MNDA: variants seen among roughly 807,000 people sequenced by gnomAD.
The protein encoded by MNDA is epididymis secretory sperm binding protein.
In MNDA, 43 loss-of-function variants were observed where a neutral mutation model predicts 37.8. The ratio of observed to expected loss-of-function variants is 1.14; its 90% CI spans 0.89 to 1.47. The LOEUF (loss-of-function observed/expected upper bound fraction) is 1.47. Among genes scored for constraint, MNDA ranks in the 40% most tolerant of loss-of-function variants. The pLI is 0.00. For synonymous variants in MNDA, 181 were observed against 169.0 expected (o/e 1.07, Z -0.55); for missense variants, 536 against 476.0 (o/e 1.13, Z -1.17).
chr1:158,835,836 G>C (rs926472462), intron 1 of MNDA, among the ~76,000 whole-genome samples: 10 of 151,242 alleles, frequency 6.6e-5, no homozygotes, highest in African/African-American at 1.9e-4. Flanking sequence ...AACATGAAAG[G>C]CTATTTAATT....
At chr1:158,843,830 TG>T in intron 3 of MNDA, 124 bp from the exon 4 acceptor site, 1 of 802,362 alleles carries the variant, frequency 1.2e-6, no homozygotes, top group Non-Finnish European at 1.9e-6. Flanking sequence ...TGTAATTCCC[TG>T]GGGTTTCCAA....
intron 3 of MNDA, 137 bp downstream of exon 3, chr1:158,843,552 G>C: frequency 1.0e-6 from 1 of 954,848 alleles, no homozygotes; most frequent in Non-Finnish European, 1.5e-6. Flanking sequence ...GATGAGTAAA[G>C]AGTTAGGTAT....
chr1:158,843,988 G>T lies in MNDA; in HGVS notation c.436G>T (p.Ala146Ser). The change falls in exon 4 of 7, where the codon GCC becomes TCC. Residue 146 changes from alanine to serine, a missense_variant. Coordinates refer to ENST00000368141, the MANE Select transcript of MNDA (RefSeq NM_002432.3). ...AACTCCAAACAAAGAAAAGACTGAA[G>T]CCAAAAGGAATAAGGTGTCCCAAGA... ...RKTPNKEKTEAKRNKVSQEQS... is the reference protein window; with the variant it reads ...RKTPNKEKTESKRNKVSQEQS... 6.2e-7 allele frequency: 1 copy of T among 1,604,632 alleles called. No homozygotes were observed.
intron 4 of MNDA, 86 bp downstream of exon 4, chr1:158,844,208 A>T (rs775609277): frequency 3.8e-4 from 452 of 1,202,084 alleles, no homozygotes; most frequent in Non-Finnish European, 4.8e-4. Flanking sequence ...CTCATGCATA[A>T]CTCTTCATAT....
chr1:158,840,729 A>T (rs907086367), intron 1 of MNDA, among the ~76,000 whole-genome samples: 2 of 152,166 alleles, frequency 1.3e-5, no homozygotes, highest in Non-Finnish European at 2.9e-5. Flanking sequence ...GTTCAATCAG[A>T]TTATTTAATC....
intron 2 of MNDA, 29 bp from the exon 3 acceptor site, chr1:158,843,250 A>G (rs758263534): frequency 6.3e-7 from 1 of 1,594,526 alleles, no homozygotes; most frequent in Non-Finnish European, 8.5e-7. Context: ...CTCTAGGCCT[A>G]TTGTGCCCTT....
intron 3 of MNDA, 140 bp downstream of exon 3, chr1:158,843,555 T>G: frequency 1.1e-6 from 1 of 925,542 alleles, no homozygotes. Flanking sequence ...GAGTAAAGAG[T>G]TAGGTATCGT....
At chr1:158,842,560 G>A in intron 2 of MNDA, 142 bp downstream of exon 2, 1 of 769,984 alleles carries the variant, frequency 1.3e-6, no homozygotes, top group Non-Finnish European at 2.1e-6. Context: ...CTCAGAGACT[G>A]ACCAGTTGGC....
At chr1:158,837,407 C>G (rs1658940371) in intron 1 of MNDA, among the ~76,000 whole-genome samples, 1 of 151,744 alleles carries the variant, frequency 6.6e-6, no homozygotes, top group Admixed American at 6.6e-5. Flanking sequence ...ATGTATGTTT[C>G]TAATTGTCAT....
In MNDA at chr1:158,849,251, A is replaced by T; in HGVS notation, c.*14A>T. ...AATGTTAATTGAAATATGAAAGCTG[A>T]AATGCAACAAACAACTTCCGCTTAA... On this transcript the variant is annotated 3_prime_UTR_variant, in exon 7 of 7. Transcript: ENST00000368141. 6.2e-7 allele frequency: 1 copy of T among 1,608,962 alleles called. No homozygotes were observed. Among genetic ancestry groups the T allele is most frequent in the Non-Finnish European group, 8.5e-7 (1 of 1,177,138 alleles).
chr1:158,842,406 G>C lies in MNDA; in HGVS notation c.253G>C (p.Glu85Gln). Residue 85 changes from glutamate to glutamine, a missense_variant, in exon 2 of 7, where the codon GAG becomes CAG. Glu to Gln is a conservative substitution (Grantham distance 29). Transcript: ENST00000368141. Reference protein sequence around the residue: ...LKNLVNNLRKEKSKVAKKIKT... With the variant: ...LKNLVNNLRKQKSKVAKKIKT... ...AAACCTTGTTAACAATCTTCGAAAA[G>C]AGAAGTCAAAAGGTAATAGAGAAAA... 1 of 1,611,164 alleles carries C rather than the reference G, an allele frequency of 6.2e-7. No individual in the cohort carries two copies. The highest frequency in any genetic ancestry group is 8.5e-7 in the Non-Finnish European group (1 of 1,179,034).
intron 1 of MNDA, among the ~76,000 whole-genome samples, chr1:158,839,860 T>G (rs1050043282): frequency 6.6e-6 from 1 of 152,224 alleles, no homozygotes; most frequent in Admixed American, 6.5e-5. Flanking sequence ...CATGGTATAA[T>G]GAAAGTCTGG....
Position 158,849,494 on chromosome 1 carries a change from T to C in MNDA, c.*257T>C, listed in dbSNP as rs540239500. 4 of 414,698 alleles carry C rather than the reference T, an allele frequency of 9.6e-6. No homozygotes were observed. The highest frequency in any genetic ancestry group is 1.7e-5 in the Non-Finnish European group (4 of 228,754). The allele number at this position is 414,698 out of a possible 1,614,324, so 25.7% of individuals were successfully genotyped here. On this transcript the variant is annotated 3_prime_UTR_variant, in exon 7 of 7. Coordinates refer to ENST00000368141, the MANE Select transcript of MNDA (RefSeq NM_002432.3). ...CGAGGCAAAAAATAAAATATCTTTT[T>C]TTGAAGGACATTATTTTCCCAAAGT... is the stretch of plus-strand genomic sequence containing the variant.
chr1:158,833,081 C>T (rs1298611055), intron 1 of MNDA, among the ~76,000 whole-genome samples: 1 of 152,108 alleles, frequency 6.6e-6, no homozygotes, highest in Non-Finnish European at 1.5e-5. Context: ...TACAACTTCA[C>T]CTGTTAAGAG....
Position 158,845,609 on chromosome 1 carries a change from G to A in MNDA, c.593G>A (p.Arg198Gln), listed in dbSNP as rs780190760. Residue 198 changes from arginine (R) to glutamine (Q), a missense_variant, in exon 5 of 7, where the codon CGG becomes CAG. Transcript: ENST00000368141. ...CAGAATCAGGAAACCCAGGCCCAACGGCAGGTGGATGCAAGAAGAAATGTT... is the reference window on the plus strand; with the variant it reads ...CAGAATCAGGAAACCCAGGCCCAACAGCAGGTGGATGCAAGAAGAAATGTT... ...FTPNQETQAQ[R>Q]QVDARRNVPQ... 26 of 1,612,804 alleles carry A rather than the reference G, an allele frequency of 1.6e-5. No individual in the cohort carries two copies. Among genetic ancestry groups the A allele is most frequent in the Non-Finnish European group, 2.1e-5 (25 of 1,179,280 alleles).
intron 5 of MNDA, among the ~76,000 whole-genome samples, chr1:158,847,118 G>A (rs1659149212): frequency 6.6e-6 from 1 of 152,124 alleles, no homozygotes; most frequent in Admixed American, 6.6e-5. Context: ...AGTACACAAA[G>A]GCATACAGAG....
intron 1 of MNDA, among the ~76,000 whole-genome samples, chr1:158,841,785 G>A (rs1002271517): frequency 7.9e-5 from 12 of 152,026 alleles, no homozygotes; most frequent in African/African-American, 2.7e-4. Context: ...TAGGCATTGA[G>A]GGATAGGCTC....
At chr1:158,849,090 C>T in intron 6 of MNDA, 100 bp from the exon 7 acceptor site, 1 of 839,784 alleles carries the variant, frequency 1.2e-6, no homozygotes, top group South Asian at 1.8e-5. Context: ...ATAATGTAGC[C>T]AATGGGAAGA....
At chr1:158,845,101 C>G (rs1659105441) in intron 4 of MNDA, among the ~76,000 whole-genome samples, 1 of 152,160 alleles carries the variant, frequency 6.6e-6, no homozygotes, top group Non-Finnish European at 1.5e-5. Flanking sequence ...CCTTTCTGTT[C>G]AGTAATCCCT....
Sources: gnomAD v4.1 joint callset for allele counts (sites outside exome capture counted in the v4.1 genomes callset) on GRCh38, gnomAD v4.1.1 for gene constraint, MANE v1.5 for transcripts, NCBI Gene and HGNC (gene_info 2026-07-23, HGNC 2026-07-21) for gene names.